NAV1: variants seen among roughly 807,000 people sequenced by gnomAD.
NAV1 encodes neuron navigator 1.
NAV1 carries 18 observed loss-of-function variants against 175.2 expected under a neutral mutation model. The ratio of observed to expected loss-of-function variants is 0.10; its 90% CI spans 0.07 to 0.15. The LOEUF (loss-of-function observed/expected upper bound fraction) is 0.15, where lower values mean the gene tolerates loss of function less well. Ranked by LOEUF, NAV1 falls within the 10% of genes least tolerant of loss-of-function variation. The pLI, the probability that NAV1 is intolerant of heterozygous loss-of-function variation, is 1.00. For missense variants in NAV1, 1,731 were observed against 2,436.6 expected, an observed-to-expected ratio of 0.71 and a Z score of 6.10; for synonymous variants, 897 against 978.7, an observed-to-expected ratio of 0.92 and a Z score of 1.56.
At chr1:201,632,238 CAGG>C (rs1668498780) in intron 2 of NAV1, among the ~76,000 whole-genome samples, 1 of 152,222 alleles carries the variant, frequency 6.6e-6, no homozygotes, top group South Asian at 2.1e-4. Flanking sequence ...ATTTATATAG[CAGG>C]AGAATTTCCC....
intron 3 of NAV1, among the ~76,000 whole-genome samples, chr1:201,763,900 G>A (rs1675020374): frequency 6.6e-6 from 1 of 152,178 alleles, no homozygotes; most frequent in Admixed American, 6.5e-5. Flanking sequence ...TGTGTATCAT[G>A]TCATTACAGG....
At chr1:201,653,669 T>C (rs569392020) in intron 1 of NAV1, among the ~76,000 whole-genome samples, 21 of 152,116 alleles carry the variant, frequency 1.4e-4, no homozygotes, top group African/African-American at 4.6e-4. Context: ...CCAGAACAGA[T>C]AGGTGATATG....
upstream of NAV1, among the ~76,000 whole-genome samples, chr1:201,646,256 C>T (rs962536487): frequency 1.3e-5 from 2 of 152,232 alleles, no homozygotes; most frequent in African/African-American, 4.8e-5. Context: ...AGTTCCACCC[C>T]TGAGTTTCCT....
chr1:201,543,829 C>G (rs148860237), intron 1 of NAV1, among the ~76,000 whole-genome samples: 32 of 152,324 alleles, frequency 2.1e-4, no homozygotes, highest in African/African-American at 7.5e-4. Context: ...ACTCTCCATT[C>G]CCCTTCCCTC....
intron 3 of NAV1, among the ~76,000 whole-genome samples, chr1:201,777,393 A>G (rs1156671276): frequency 6.6e-6 from 1 of 152,188 alleles, no homozygotes; most frequent in Non-Finnish European, 1.5e-5. Flanking sequence ...TGGGAGGGCA[A>G]AAAAGGAGCA....
At chr1:201,761,435 C>G (rs1010756435) in intron 3 of NAV1, among the ~76,000 whole-genome samples, 1 of 152,164 alleles carries the variant, frequency 6.6e-6, no homozygotes, top group African/African-American at 2.4e-5. Flanking sequence ...TTTAGAGCTG[C>G]CAGAAACTGC....
At chr1:201,825,059 C>T (rs1032579585) in exon 30 of NAV1, 6 of 152,144 alleles carry the variant, frequency 3.9e-5, no homozygotes, top group Non-Finnish European at 7.4e-5. Flanking sequence ...TCAAAGTCAC[C>T]TTTCTCATGC....
At chr1:201,811,418 G>C (rs1678683418) in intron 24 of NAV1, among the ~76,000 whole-genome samples, 185 bp from the exon 29 acceptor site, 1 of 152,062 alleles carries the variant, frequency 6.6e-6, no homozygotes, top group African/African-American at 2.4e-5. Flanking sequence ...TGCTTAAGAG[G>C]GTTGCTTTAG....
At chr1:201,761,565 G>A (rs148823510) in intron 3 of NAV1, among the ~76,000 whole-genome samples, 110 of 152,284 alleles carry the variant, frequency 7.2e-4, no homozygotes, top group African/African-American at 2.6e-3. Context: ...GAAGATGAAT[G>A]GCAACGTCTT....
intron 1 of NAV1, among the ~76,000 whole-genome samples, chr1:201,675,801 T>A (rs747126136): frequency 6.6e-5 from 10 of 152,300 alleles, no homozygotes; most frequent in Middle Eastern, 3.4e-3. Flanking sequence ...GCAACGAAGT[T>A]TGCCTATCTG....
chr1:201,585,103 C>A (rs1453342920), intron 1 of NAV1, among the ~76,000 whole-genome samples: 3 of 151,640 alleles, frequency 2.0e-5, no homozygotes, highest in Non-Finnish European at 4.4e-5. Flanking sequence ...CTGATCTTCT[C>A]CCCAGTCTCC....
chr1:201,636,299 C>A (rs1668617136), intron 2 of NAV1, among the ~76,000 whole-genome samples: 1 of 152,164 alleles, frequency 6.6e-6, no homozygotes, highest in African/African-American at 2.4e-5. Context: ...CCCAAGACCC[C>A]CCAAACCCCT....
chr1:201,797,030 T>G (rs935160857), intron 15 of NAV1: 2 of 152,236 alleles, frequency 1.3e-5, no homozygotes, highest in Non-Finnish European at 2.9e-5. Flanking sequence ...TTTGGCTACT[T>G]GTGCTTTAGG....
At chr1:201,716,263 G>C (rs910126816) in intron 2 of NAV1, among the ~76,000 whole-genome samples, 31 of 152,140 alleles carry the variant, frequency 2.0e-4, no homozygotes, top group African/African-American at 5.6e-4. Context: ...AGGTCAGCTT[G>C]CTTTTATCAA....
exon 30 of NAV1, chr1:201,822,196 G>C (rs2102849751): frequency 6.5e-6 from 1 of 152,918 alleles, no homozygotes; most frequent in African/African-American, 2.4e-5. Context: ...TCTGTGGTGG[G>C]AAGAGGCTGT....
At chr1:201,806,003 G>A (rs896674774) in intron 17 of NAV1, among the ~76,000 whole-genome samples, 1 of 106,308 alleles carries the variant, frequency 9.4e-6, no homozygotes. Context: ...TTTTTTTTTT[G>A]AGGTAGAGTC....
intron 8 of NAV1, 111 bp from the exon 13 acceptor site, chr1:201,786,318 C>T: frequency 8.7e-7 from 1 of 1,149,998 alleles, no homozygotes; most frequent in Non-Finnish European, 1.2e-6. Context: ...TTTTCCATGT[C>T]CTGCTTTCAG....
chr1:201,541,621 A>G (rs1665517250), intron 1 of NAV1, among the ~76,000 whole-genome samples: 1 of 152,188 alleles, frequency 6.6e-6, no homozygotes, highest in African/African-American at 2.4e-5. Context: ...TAGAAATATG[A>G]AAATTAGCCG....
At chr1:201,775,145 G>A (rs1250890112) in intron 3 of NAV1, among the ~76,000 whole-genome samples, 2 of 152,160 alleles carry the variant, frequency 1.3e-5, no homozygotes, top group East Asian at 1.9e-4. Flanking sequence ...CTCCCAAAGG[G>A]GGAGCCCTTT....
Sources: gnomAD v4.1 joint callset for allele counts (sites outside exome capture counted in the v4.1 genomes callset) on GRCh38, gnomAD v4.1.1 for gene constraint, MANE v1.5 for transcripts, NCBI Gene and HGNC (gene_info 2026-07-23, HGNC 2026-07-21) for gene names.